DOCK1: variants seen among roughly 807,000 people sequenced by gnomAD.
DOCK1 encodes dedicator of cytokinesis 1.
A neutral mutation model predicts 262.7 loss-of-function variants in DOCK1; 138 were observed. The observed-to-expected ratio is 0.53, with a 90% confidence interval of 0.46 to 0.61. DOCK1 has a LOEUF of 0.61. Among genes scored for constraint, DOCK1 ranks in the 20% least tolerant of loss-of-function variants. DOCK1 has a pLI of 0.00. For synonymous variants in DOCK1, 866 were observed against 867.4 expected, an observed-to-expected ratio of 1.00 and a Z score of 0.03; for missense variants, 1,908 against 2,370.7, an observed-to-expected ratio of 0.80 and a Z score of 4.05.
At chr10:127,211,922 G>A (rs1447748661) in intron 27 of DOCK1, among the ~76,000 whole-genome samples, 1 of 152,194 alleles carries the variant, frequency 6.6e-6, no homozygotes, top group Non-Finnish European at 1.5e-5. Flanking sequence ...GCTCTGCAGA[G>A]TGCGCCAATA....
chr10:127,426,618 C>T (rs554160223), intron 47 of DOCK1, among the ~76,000 whole-genome samples: 54 of 152,294 alleles, frequency 3.5e-4, no homozygotes, highest in Admixed American at 3.5e-3. Flanking sequence ...AGGACTCCCT[C>T]AACAGAGGCT....
At chr10:127,247,438 T>A (rs2059469797) in intron 27 of DOCK1, among the ~76,000 whole-genome samples, 2 of 152,104 alleles carry the variant, frequency 1.3e-5, no homozygotes, top group African/African-American at 2.4e-5. Context: ...AGGCTGATTT[T>A]GAGAAATTAG....
intron 23 of DOCK1, among the ~76,000 whole-genome samples, chr10:127,092,442 T>C (rs1256312224): frequency 1.3e-5 from 2 of 152,184 alleles, no homozygotes; most frequent in African/African-American, 4.8e-5. Context: ...GTGCCACACA[T>C]GGGTCCGATT....
intron 24 of DOCK1, among the ~76,000 whole-genome samples, chr10:127,109,008 AT>A (rs969931421): frequency 3.9e-5 from 6 of 152,228 alleles, no homozygotes; most frequent in African/African-American, 1.2e-4. Context: ...TTTAAAAAAA[AT>A]ATATTATAAA....
At chr10:127,315,290 A>G (rs141652592) in intron 29 of DOCK1, among the ~76,000 whole-genome samples, 2 of 152,278 alleles carry the variant, frequency 1.3e-5, no homozygotes, top group East Asian at 3.9e-4. Flanking sequence ...TTGAGGTCCT[A>G]CCTCTCAGTA....
At chr10:127,142,121 G>A (rs559251747) in intron 27 of DOCK1, among the ~76,000 whole-genome samples, 1 of 152,180 alleles carries the variant, frequency 6.6e-6, no homozygotes, top group Non-Finnish European at 1.5e-5. Context: ...AGCAGGTGGA[G>A]GTCTAGCTGG....
chr10:127,307,971 G>T (rs1031137675), intron 29 of DOCK1, among the ~76,000 whole-genome samples: 1 of 152,240 alleles, frequency 6.6e-6, no homozygotes, highest in Non-Finnish European at 1.5e-5. Flanking sequence ...TGGGCTGGTG[G>T]CTGGCTCCAT....
At chr10:127,096,487 T>C (rs140093486) in intron 23 of DOCK1, among the ~76,000 whole-genome samples, 5 of 152,284 alleles carry the variant, frequency 3.3e-5, no homozygotes, top group East Asian at 1.9e-4. Context: ...ATGTGCGTTT[T>C]CTTGAGAAAT....
At chr10:126,994,670 A>G (rs1477563368) in intron 6 of DOCK1, among the ~76,000 whole-genome samples, 1 of 152,274 alleles carries the variant, frequency 6.6e-6, no homozygotes, top group East Asian at 1.9e-4. Context: ...CCCAAGGCAG[A>G]AGAATTTTTC....
chr10:126,993,794 G>C (rs1377834639), intron 6 of DOCK1, among the ~76,000 whole-genome samples: 2 of 152,150 alleles, frequency 1.3e-5, no homozygotes, highest in African/African-American at 2.4e-5. Flanking sequence ...GAAAAAATCA[G>C]TTTTCTGTAT....
chr10:127,378,181 G>A (rs571408341), intron 35 of DOCK1, among the ~76,000 whole-genome samples: 6 of 139,814 alleles, frequency 4.3e-5, no homozygotes, highest in African/African-American at 1.5e-4. Flanking sequence ...GCACATGCCA[G>A]TTACTTCTCT....
In DOCK1 at chr10:127,136,756, G is replaced by C. The variant is rs577169256; in HGVS notation, c.2847+8992G>C. 2 of 152,762 alleles carry C rather than the reference G, an allele frequency of 1.3e-5. 1 individual carries two copies. The highest frequency in any genetic ancestry group is 4.8e-5 in the African/African-American group (2 of 41,568). The allele number at this position is 152,762 out of a possible 1,614,324, so 9.5% of individuals were successfully genotyped here. A position where few individuals can be genotyped will look rare whatever the true frequency, so the allele number is the denominator to read the frequency against. On this transcript the variant is annotated intron_variant, in intron 27 of 51. Coordinates refer to ENST00000623213, the MANE Select transcript of DOCK1 (RefSeq NM_001290223.2). ...TGTTGTTTAGTACAACTTACTAATA[G>C]GTTAAATGTAGGCGACATTGTCCCT...
chr10:127,413,349 G>A (rs904534069), intron 43 of DOCK1, among the ~76,000 whole-genome samples: 35 of 152,154 alleles, frequency 2.3e-4, no homozygotes, highest in African/African-American at 8.2e-4. Context: ...GTTGAGGTCC[G>A]GGCACTTGGA....
At position 127,100,129 on chromosome 10, in the gene DOCK1, C is replaced by T. The variant is rs540242244; in HGVS notation, c.2446-6102C>T. 1.4e-4 allele frequency among the ~76,000 whole-genome samples: 21 copies of T among 152,246 alleles called. No individual in the cohort carries two copies. On this transcript the variant is annotated intron_variant, in intron 23 of 51. Coordinates refer to ENST00000623213, the MANE Select transcript of DOCK1 (RefSeq NM_001290223.2). The surrounding 1 kb of genome is among the most constrained non-coding windows in gnomAD (Gnocchi z 5.5). ...GTCCCATGAGCAGGGGACGTTGCCACAGTATCTAAATTCCATTTGCATTTT... is the reference window on the plus strand; with the variant it reads ...GTCCCATGAGCAGGGGACGTTGCCATAGTATCTAAATTCCATTTGCATTTT...
chr10:127,005,094 T>C (rs1408672000), intron 10 of DOCK1, among the ~76,000 whole-genome samples: 3 of 151,930 alleles, frequency 2.0e-5, no homozygotes, highest in Non-Finnish European at 2.9e-5. Context: ...CCCAGCACTT[T>C]GGGAGGCCAA....
At chr10:127,196,011 A>T (rs933341794) in intron 27 of DOCK1, 1 of 151,974 alleles carries the variant, frequency 6.6e-6, no homozygotes, top group African/African-American at 2.4e-5. Flanking sequence ...CGCTGCTTAC[A>T]GATAAGTCGA....
intron 33 of DOCK1, among the ~76,000 whole-genome samples, chr10:127,364,345 T>C (rs916751534): frequency 3.3e-5 from 5 of 152,252 alleles, no homozygotes; most frequent in African/African-American, 1.2e-4. Flanking sequence ...TTTTGCACTT[T>C]GCTCCACTAG....
rs1050615129 is a variant in DOCK1, at chr10:126,961,549, G to A, written c.47-9153G>A. Among the ~76,000 whole-genome samples, 751 of 152,258 alleles carry A rather than the reference G, an allele frequency of 4.9e-3. 30 individuals are homozygous for A. The East Asian group carries it at 0.11, about 23-fold the overall frequency. On this transcript the variant is annotated intron_variant, in intron 1 of 51. Transcript: ENST00000623213. ...TCGTTTCTTACTTGTCTCTGAGTTT[G>A]ACAACTCGAGGAAGAGGAACCTCAT...
chr10:127,272,996 C>T (rs2060623431), intron 29 of DOCK1, among the ~76,000 whole-genome samples: 1 of 152,216 alleles, frequency 6.6e-6, no homozygotes, highest in Admixed American at 6.5e-5. Flanking sequence ...GGTGGGGACA[C>T]AGGTCCCTCC....
Sources: allele counts gnomAD v4.1 joint callset (sites outside exome capture counted in the v4.1 genomes callset), GRCh38; gene constraint gnomAD v4.1.1; non-coding constraint Gnocchi (gnomAD v3.1); transcripts MANE v1.5; gene names NCBI Gene and HGNC (gene_info 2026-07-23, HGNC 2026-07-21).